NCAM2: variants seen among roughly 807,000 people sequenced by gnomAD.
NCAM2 encodes the protein N-CAM-2.
A neutral mutation model predicts 98.1 loss-of-function variants in NCAM2; 30 were observed. The observed-to-expected ratio is 0.31, with a 90% confidence interval of 0.23 to 0.41. The LOEUF (loss-of-function observed/expected upper bound fraction) is 0.41. Ranked by LOEUF, NCAM2 falls within the 10% of genes least tolerant of loss-of-function variation. The pLI is 1.00. For synonymous variants in NCAM2, 368 were observed against 342.4 expected (o/e 1.07, Z -0.83); for missense variants, 867 against 1,005.8 (o/e 0.86, Z 1.87).
At chr21:21,063,207 ATTCTTTTT>A (rs2065357553) in intron 1 of NCAM2, among the ~76,000 whole-genome samples, 1 of 103,628 alleles carries the variant, frequency 9.6e-6, no homozygotes, top group Non-Finnish European at 2.0e-5. Context: ...TTATCTTTAC[ATTCTTTTT>A]TTTTTTTTTT....
intron 1 of NCAM2, among the ~76,000 whole-genome samples, chr21:21,004,857 A>G (rs1276777290): frequency 2.0e-5 from 3 of 152,198 alleles, no homozygotes; most frequent in Non-Finnish European, 4.4e-5. Context: ...GAGGGTTTGC[A>G]TATGGGACAT....
chr21:21,303,014 C>T (rs904080363), intron 5 of NCAM2, among the ~76,000 whole-genome samples: 1 of 151,778 alleles, frequency 6.6e-6, no homozygotes, highest in South Asian at 2.1e-4. Context: ...AAACCAATAC[C>T]ACATATTTTC....
At position 21,530,256 on chromosome 21, in the gene NCAM2, A is replaced by G. The variant is rs1041171037; in HGVS notation, c.2283-4281A>G. Among the ~76,000 whole-genome samples, 5 of 130,464 alleles carry G rather than the reference A, an allele frequency of 3.8e-5. No homozygotes were observed. In the East Asian group the frequency reaches 9.0e-4, roughly 23 times the overall value. The allele number at this position is 130,464 out of a possible 152,430, so 85.6% of individuals were successfully genotyped here. ...TATTTAATTTAAATTAATTATATAT[A>G]ATTTAATTTAATTATATATAATTTA... On this transcript the variant is annotated intron_variant, in intron 16 of 17. Transcript: ENST00000400546.
At chr21:21,461,441 T>G (rs1982962997) in intron 12 of NCAM2, among the ~76,000 whole-genome samples, 1 of 151,852 alleles carries the variant, frequency 6.6e-6, no homozygotes, top group Non-Finnish European at 1.5e-5. Flanking sequence ...TGATGGAAAG[T>G]TACATAAGCA....
intron 1 of NCAM2, among the ~76,000 whole-genome samples, chr21:21,169,918 C>T (rs2068067418): frequency 6.6e-6 from 1 of 152,062 alleles, no homozygotes; most frequent in African/African-American, 2.4e-5. Context: ...AAGATCATGC[C>T]ACTGCACTGA....
chr21:21,363,525 AT>A (rs2075702553), intron 8 of NCAM2, among the ~76,000 whole-genome samples: 1 of 151,998 alleles, frequency 6.6e-6, no homozygotes, highest in Non-Finnish European at 1.5e-5. Flanking sequence ...GATACATATA[AT>A]TTTCTAGACC....
At chr21:21,156,406 T>C (rs2067611578) in intron 1 of NCAM2, among the ~76,000 whole-genome samples, 2 of 152,018 alleles carry the variant, frequency 1.3e-5, no homozygotes, top group Admixed American at 6.6e-5. Flanking sequence ...ATGTTTGCCC[T>C]ACCTATTTAG....
intron 1 of NCAM2, among the ~76,000 whole-genome samples, chr21:21,095,801 A>G (rs1338612884): frequency 2.0e-5 from 3 of 151,630 alleles, no homozygotes; most frequent in Non-Finnish European, 4.4e-5. Context: ...CAGAACTACT[A>G]GCTTTCATGA....
At chr21:21,231,335 A>G (rs982830439) in intron 1 of NCAM2, among the ~76,000 whole-genome samples, 7 of 151,364 alleles carry the variant, frequency 4.6e-5, no homozygotes, top group African/African-American at 1.5e-4. Flanking sequence ...TTTAATGAGC[A>G]AAGTTCTGAC....
At chr21:21,039,803 G>A (rs535394929) in intron 1 of NCAM2, among the ~76,000 whole-genome samples, 1 of 152,250 alleles carries the variant, frequency 6.6e-6, no homozygotes, top group Admixed American at 6.5e-5. Flanking sequence ...CTCAAGTACA[G>A]CACTAAGTGT....
intron 11 of NCAM2, among the ~76,000 whole-genome samples, chr21:21,426,927 G>A (rs2077226313): frequency 6.6e-6 from 1 of 152,164 alleles, no homozygotes; most frequent in Admixed American, 6.5e-5. Context: ...AGTGTTAATA[G>A]AAAAATATCT....
chr21:21,210,115 T>A (rs1302124128), intron 1 of NCAM2, among the ~76,000 whole-genome samples: 3 of 152,188 alleles, frequency 2.0e-5, no homozygotes, highest in Non-Finnish European at 4.4e-5. Flanking sequence ...CATTGATAGA[T>A]CAAACTTGAA....
At chr21:21,120,695 T>G (rs1205685887) in intron 1 of NCAM2, among the ~76,000 whole-genome samples, 2 of 150,194 alleles carry the variant, frequency 1.3e-5, no homozygotes, top group Non-Finnish European at 1.5e-5. Context: ...TTAAAAAAAT[T>G]GATGTTTATT....
At chr21:21,521,927 G>A (rs965175914) in intron 16 of NCAM2, among the ~76,000 whole-genome samples, 6 of 151,320 alleles carry the variant, frequency 4.0e-5, no homozygotes, top group Admixed American at 1.3e-4. Flanking sequence ...AAATTCAAAT[G>A]TGTAAATTCA....
intron 15 of NCAM2, among the ~76,000 whole-genome samples, chr21:21,499,322 A>G (rs1233196118): frequency 6.6e-6 from 1 of 152,106 alleles, no homozygotes; most frequent in Admixed American, 6.6e-5. Context: ...GCTCACTGCA[A>G]CCTCCAGCTC....
chr21:21,407,252 A>G (rs1029726501), intron 9 of NCAM2, among the ~76,000 whole-genome samples: 2 of 152,222 alleles, frequency 1.3e-5, no homozygotes, highest in Non-Finnish European at 2.9e-5. Flanking sequence ...ATTGATATTT[A>G]CAAAGCATAT....
intron 1 of NCAM2, among the ~76,000 whole-genome samples, chr21:21,100,568 A>C (rs767595881): frequency 6.6e-6 from 1 of 152,060 alleles, no homozygotes; most frequent in Admixed American, 6.6e-5. Context: ...ATATTTCCCT[A>C]TGTTACATTT....
At chr21:21,390,927 A>G (rs984402869) in intron 9 of NCAM2, among the ~76,000 whole-genome samples, 1 of 152,244 alleles carries the variant, frequency 6.6e-6, no homozygotes, top group Non-Finnish European at 1.5e-5. Context: ...GTGGTTTCCA[A>G]CTTGCTTGGA....
intron 1 of NCAM2, among the ~76,000 whole-genome samples, chr21:21,067,262 G>A (rs970777951): frequency 1.3e-5 from 2 of 151,798 alleles, no homozygotes; most frequent in South Asian, 2.1e-4. Flanking sequence ...TTAAAAATGC[G>A]TTACTAAAAA....
Sources: gnomAD v4.1 joint callset for allele counts (sites outside exome capture counted in the v4.1 genomes callset) on GRCh38, gnomAD v4.1.1 for gene constraint, MANE v1.5 for transcripts, NCBI Gene and HGNC (gene_info 2026-07-23, HGNC 2026-07-21) for gene names.